Variants in METTL15 observed in about 807,000 individuals in gnomAD.
METTL15 encodes the protein 12S rRNA N(4)-cytidine methyltransferase METTL15.
A neutral mutation model predicts 38.3 loss-of-function variants in METTL15; 34 were observed. That is an observed-to-expected ratio of 0.89 (90% CI 0.68 to 1.18). The LOEUF (loss-of-function observed/expected upper bound fraction) is 1.18. METTL15 is among the 50% of genes most tolerant of loss of function. The pLI is 0.00. For synonymous variants in METTL15, 162 were observed against 170.9 expected (o/e 0.95, Z 0.41); for missense variants, 438 against 498.4 (o/e 0.88, Z 1.15).
At chr11:28,330,031 T>G (rs1238755247) in intron 6 of METTL15, among the ~76,000 whole-genome samples, 1 of 152,224 alleles carries the variant, frequency 6.6e-6, no homozygotes, top group Non-Finnish European at 1.5e-5. Context: ...GATATGCCTA[T>G]GTGCAGCCAT....
intron 4 of METTL15, among the ~76,000 whole-genome samples, chr11:28,222,199 A>G (rs1853265503): frequency 6.6e-6 from 1 of 152,166 alleles, no homozygotes; most frequent in Admixed American, 6.5e-5. Context: ...GGTGGGCTTC[A>G]CCCAGTTTGA....
At chr11:28,239,143 T>A (rs1289057071) in intron 4 of METTL15, among the ~76,000 whole-genome samples, 1 of 152,164 alleles carries the variant, frequency 6.6e-6, no homozygotes, top group Non-Finnish European at 1.5e-5. Flanking sequence ...GACTCCAGAT[T>A]TTTATCTTCA....
In METTL15 at chr11:28,485,894, T is replaced by C. The variant is rs539048868; in HGVS notation, c.*425-40584T>C. On this transcript the variant is annotated intron_variant and NMD_transcript_variant, in intron 6 of 7. Transcript: ENST00000532947. ...CTTGCTTATGTCCTCAGATGGCCTT[T>C]CTTCTATGCGTGTGCATGTAGAGAG... 6.6e-5 allele frequency among the ~76,000 whole-genome samples: 10 copies of C among 152,298 alleles called. No individual in the cohort carries two copies. The East Asian group carries it at 1.9e-3, about 29-fold the overall frequency.
At chr11:28,489,763 T>C (rs544202264) in intron 6 of METTL15, among the ~76,000 whole-genome samples, 1 of 152,132 alleles carries the variant, frequency 6.6e-6, no homozygotes, top group African/African-American at 2.4e-5. Flanking sequence ...GTCAGCTATA[T>C]TGTGAGAATA....
chr11:28,185,193 G>A (rs973086890), intron 3 of METTL15, among the ~76,000 whole-genome samples: 1 of 151,436 alleles, frequency 6.6e-6, no homozygotes, highest in South Asian at 2.1e-4. Context: ...TTAATATAAT[G>A]TATGGTAAAT....
chr11:28,445,832 T>G (rs747125559), intron 6 of METTL15, among the ~76,000 whole-genome samples: 2 of 151,828 alleles, frequency 1.3e-5, no homozygotes, highest in Non-Finnish European at 2.9e-5. Context: ...TTTATATTTT[T>G]TGTAGAGATG....
chr11:28,480,703 T>C (rs1383258584), intron 6 of METTL15, among the ~76,000 whole-genome samples: 2 of 152,236 alleles, frequency 1.3e-5, no homozygotes, highest in Admixed American at 6.5e-5. Flanking sequence ...TCTTCATTCC[T>C]CTATTGAGAT....
At chr11:28,298,611 C>A (rs1856816849) in intron 6 of METTL15, among the ~76,000 whole-genome samples, 1 of 151,762 alleles carries the variant, frequency 6.6e-6, no homozygotes, top group Non-Finnish European at 1.5e-5. Context: ...TGAAGGTGTA[C>A]AATAGGAACA....
At chr11:28,409,158 G>C (rs894148970) in intron 5 of METTL15, among the ~76,000 whole-genome samples, 13 of 151,920 alleles carry the variant, frequency 8.6e-5, no homozygotes, top group Non-Finnish European at 1.8e-4. Flanking sequence ...TGAGGTGGGC[G>C]GATCACGAGG....
intron 6 of METTL15, among the ~76,000 whole-genome samples, chr11:28,430,082 G>T (rs1209438116): frequency 6.8e-6 from 1 of 148,054 alleles, no homozygotes; most frequent in Non-Finnish European, 1.5e-5. Flanking sequence ...GTCTCTGCCC[G>T]GCCGCCCTGT....
At chr11:28,267,268 C>G (rs907559602) in intron 4 of METTL15, among the ~76,000 whole-genome samples, 2 of 151,838 alleles carry the variant, frequency 1.3e-5, no homozygotes, top group East Asian at 3.9e-4. Flanking sequence ...TTTGGTCGCT[C>G]TGGCTTCCTT....
intron 6 of METTL15, among the ~76,000 whole-genome samples, chr11:28,310,328 A>G (rs1290182604): frequency 6.6e-6 from 1 of 151,080 alleles, no homozygotes; most frequent in Non-Finnish European, 1.5e-5. Flanking sequence ...GAATGTCTAG[A>G]AAATGGAGGA....
chr11:28,444,976 A>C (rs575295016), intron 6 of METTL15, among the ~76,000 whole-genome samples: 7 of 152,234 alleles, frequency 4.6e-5, no homozygotes, highest in Non-Finnish European at 1.0e-4. Flanking sequence ...GGGACCGAGG[A>C]GCTGGCTACA....
At chr11:28,127,959 A>G (rs898465534) in intron 3 of METTL15, among the ~76,000 whole-genome samples, 3 of 152,060 alleles carry the variant, frequency 2.0e-5, no homozygotes, top group South Asian at 2.1e-4. Context: ...CTAATATTCA[A>G]CCTATTAGTT....
At chr11:28,338,765 T>C (rs1036533336) in intron 3 of METTL15, among the ~76,000 whole-genome samples, 9 of 152,138 alleles carry the variant, frequency 5.9e-5, no homozygotes, top group Non-Finnish European at 1.2e-4. Flanking sequence ...GGTGTTAAAA[T>C]TGACTTCAAA....
intron 6 of METTL15, among the ~76,000 whole-genome samples, chr11:28,449,648 C>T (rs538345715): frequency 6.6e-6 from 1 of 152,194 alleles, no homozygotes; most frequent in African/African-American, 2.4e-5. Context: ...GCTAGCTAGC[C>T]TGTGACTACT....
chr11:28,241,106 A>G (rs1018301306), intron 4 of METTL15, among the ~76,000 whole-genome samples: 2 of 152,200 alleles, frequency 1.3e-5, no homozygotes, highest in East Asian at 3.8e-4. Flanking sequence ...TACTTTTCTC[A>G]GTGCTTGGGA....
chr11:28,293,464 T>A (rs1243978950), intron 5 of METTL15, among the ~76,000 whole-genome samples: 4 of 152,198 alleles, frequency 2.6e-5, no homozygotes, highest in Non-Finnish European at 4.4e-5. Flanking sequence ...TGTAGCCTTG[T>A]AGTATAGTTT....
At chr11:28,217,490 T>A (rs1228085243) in intron 4 of METTL15, among the ~76,000 whole-genome samples, 2 of 152,166 alleles carry the variant, frequency 1.3e-5, no homozygotes, top group Non-Finnish European at 2.9e-5. Flanking sequence ...TGCAAAAATT[T>A]TCTCCCATTC....
Sources: gnomAD v4.1 joint callset for allele counts (sites outside exome capture counted in the v4.1 genomes callset) on GRCh38, gnomAD v4.1.1 for gene constraint, MANE v1.5 for transcripts, NCBI Gene and HGNC (gene_info 2026-07-23, HGNC 2026-07-21) for gene names.